Variants in NUBPL observed in about 807,000 individuals in gnomAD.
The protein encoded by NUBPL is iron-sulfur cluster transfer protein NUBPL.
Under a neutral mutation model 45.7 loss-of-function variants are expected in NUBPL, and 31 were observed. That is an observed-to-expected ratio of 0.68 (90% CI 0.51 to 0.92). NUBPL has a LOEUF of 0.92. Ranked by LOEUF, NUBPL falls within the 40% of genes least tolerant of loss-of-function variation. The pLI is 0.00. For synonymous variants in NUBPL, 144 were observed against 140.9 expected, an observed-to-expected ratio of 1.02 and a Z score of -0.15; for missense variants, 401 against 398.7, an observed-to-expected ratio of 1.01 and a Z score of -0.05.
At chr14:31,836,528 A>T (rs1350273324) in intron 8 of NUBPL, among the ~76,000 whole-genome samples, 1 of 152,218 alleles carries the variant, frequency 6.6e-6, no homozygotes, top group Non-Finnish European at 1.5e-5. Context: ...AGACATCATA[A>T]TGGACTTGAA....
At chr14:31,604,279 A>G (rs200120788) in intron 4 of NUBPL, among the ~76,000 whole-genome samples, 1 of 152,146 alleles carries the variant, frequency 6.6e-6, no homozygotes, top group Non-Finnish European at 1.5e-5. Flanking sequence ...AGAATGTGGA[A>G]TCTTAAAAAT....
intron 6 of NUBPL, among the ~76,000 whole-genome samples, chr14:31,749,465 G>C (rs2038474109): frequency 6.6e-6 from 1 of 151,970 alleles, no homozygotes; most frequent in Non-Finnish European, 1.5e-5. Context: ...ATTTTTGCTG[G>C]GTATAGTATT....
At chr14:31,637,616 A>G (rs1415269440) in intron 4 of NUBPL, among the ~76,000 whole-genome samples, 1 of 152,214 alleles carries the variant, frequency 6.6e-6, no homozygotes, top group Non-Finnish European at 1.5e-5. Flanking sequence ...CACTTGGTGC[A>G]GAGCTGAGTT....
intron 10 of NUBPL, among the ~76,000 whole-genome samples, chr14:31,858,691 A>G (rs1377643121): frequency 1.3e-5 from 2 of 152,184 alleles, no homozygotes; most frequent in African/African-American, 2.4e-5. Flanking sequence ...ATGCTTTCCT[A>G]AGATAAACTG....
chr14:31,599,526 T>C (rs1399396600), intron 4 of NUBPL, 147 bp downstream of exon 4: 1 of 623,196 alleles, frequency 1.6e-6, no homozygotes. Context: ...TTGGAAACTG[T>C]TACTTTAAGT....
At chr14:31,776,235 T>A (rs191968105) in intron 6 of NUBPL, among the ~76,000 whole-genome samples, 1 of 152,190 alleles carries the variant, frequency 6.6e-6, no homozygotes, top group Admixed American at 6.5e-5. Context: ...TTCCCTATAC[T>A]TAGTAAAATA....
intron 4 of NUBPL, among the ~76,000 whole-genome samples, chr14:31,653,400 C>T (rs930686573): frequency 6.6e-6 from 1 of 152,112 alleles, no homozygotes; most frequent in East Asian, 1.9e-4. Context: ...TTATAGACCT[C>T]CCCCGAGGAA....
intron 4 of NUBPL, among the ~76,000 whole-genome samples, chr14:31,620,390 A>G (rs6571439): frequency 1 from 152,024 of 152,302 alleles, 75,874 homozygotes; most frequent in Middle Eastern, 1. Context: ...GCCTTTTTGT[A>G]CTGGTTTCTC....
intron 3 of NUBPL, among the ~76,000 whole-genome samples, chr14:31,576,030 T>G (rs2033708242): frequency 6.6e-6 from 1 of 152,244 alleles, no homozygotes; most frequent in Admixed American, 6.5e-5. Flanking sequence ...TCAGAAACTA[T>G]ATTTGTAATT....
chr14:31,684,800 A>G (rs974762054), intron 6 of NUBPL, among the ~76,000 whole-genome samples: 2 of 152,156 alleles, frequency 1.3e-5, no homozygotes, highest in African/African-American at 4.8e-5. Flanking sequence ...TGATGTTATA[A>G]TGGGTATCAA....
intron 4 of NUBPL, among the ~76,000 whole-genome samples, chr14:31,666,254 TATATATATA>T: frequency 1.9e-5 from 1 of 52,508 alleles, no homozygotes; most frequent in East Asian, 1.1e-3. Context: ...TATATATATA[TATATATATA>T]ATTTTATTTT....
intron 10 of NUBPL, among the ~76,000 whole-genome samples, chr14:31,851,386 T>G (rs1283486194): frequency 1.3e-5 from 2 of 152,198 alleles, no homozygotes; most frequent in African/African-American, 4.8e-5. Flanking sequence ...TGGTTAGAGC[T>G]GTAAAGTAAG....
At position 31,686,033 on chromosome 14, in the gene NUBPL, T is replaced by A. The variant is rs182069193; in HGVS notation, c.513+12459T>A. Among the ~76,000 whole-genome samples, 14 of 152,270 alleles carry A rather than the reference T, an allele frequency of 9.2e-5. No homozygotes were observed. The Middle Eastern group carries it at 0.014, about 148-fold the overall frequency. On this transcript the variant is annotated intron_variant, in intron 6 of 10. Coordinates refer to ENST00000281081, the MANE Select transcript of NUBPL (RefSeq NM_025152.3). ...ACAATGGTACAGAGGCAGTTCTTTT[T>A]AACTGCTTTCAGAGGAATTAAAAAA...
rs116655453 is a variant in NUBPL, at chr14:31,757,564, A to G, written c.514-30216A>G. ...GTCTCTTTTCAAGGAGACTCCCTAT[A>G]TTTTAGAGTTACGTTGCTAAAATAC... On this transcript the variant is annotated intron_variant, in intron 6 of 10. Coordinates refer to ENST00000281081, the MANE Select transcript of NUBPL (RefSeq NM_025152.3). 6.5e-3 allele frequency among the ~76,000 whole-genome samples: 997 copies of G among 152,236 alleles called. 12 individuals carry two copies. The highest frequency in any genetic ancestry group is 0.022 in the African/African-American group (933 of 41,548).
At chr14:31,707,921 A>C (rs1300791822) in intron 6 of NUBPL, among the ~76,000 whole-genome samples, 1 of 152,206 alleles carries the variant, frequency 6.6e-6, no homozygotes, top group Non-Finnish European at 1.5e-5. Context: ...GGCTATCCTT[A>C]AACCCTTGGG....
chr14:31,784,841 T>G (rs900158713), intron 6 of NUBPL, among the ~76,000 whole-genome samples: 15 of 152,332 alleles, frequency 9.8e-5, no homozygotes, highest in African/African-American at 3.4e-4. Flanking sequence ...TACTGAGGAA[T>G]GTTTTGAAGA....
intron 7 of NUBPL, among the ~76,000 whole-genome samples, chr14:31,825,456 T>TTCC (rs923341336): frequency 6.6e-5 from 10 of 152,192 alleles, no homozygotes; most frequent in Middle Eastern, 3.4e-3. Context: ...CAGCTTCTTC[T>TTCC]TCCTCCTCCT....
chr14:31,729,903 T>C (rs2038012797), intron 6 of NUBPL, among the ~76,000 whole-genome samples: 1 of 152,162 alleles, frequency 6.6e-6, no homozygotes, highest in Non-Finnish European at 1.5e-5. Context: ...ATAACAGTGA[T>C]AGTGGTCATC....
At chr14:31,648,148 G>C (rs2035905722) in intron 4 of NUBPL, among the ~76,000 whole-genome samples, 2 of 152,218 alleles carry the variant, frequency 1.3e-5, no homozygotes. Flanking sequence ...AGATGAAAAA[G>C]AGAAGAAAAG....
Sources: allele counts gnomAD v4.1 joint callset (sites outside exome capture counted in the v4.1 genomes callset), GRCh38; gene constraint gnomAD v4.1.1; transcripts MANE v1.5; gene names NCBI Gene and HGNC (gene_info 2026-07-23, HGNC 2026-07-21).